The following FAM120B variants were observed in gnomAD, a reference collection of about 807,000 sequenced individuals.
FAM120B encodes family with sequence similarity 120 member B, also known as constitutive coactivator of peroxisome proliferator-activated receptor gamma.
A neutral mutation model predicts 96.3 loss-of-function variants in FAM120B; 83 were observed. The ratio of observed to expected loss-of-function variants is 0.86; its 90% CI spans 0.72 to 1.03. The LOEUF (loss-of-function observed/expected upper bound fraction) is 1.03, where lower values mean the gene tolerates loss of function less well. Among genes scored for constraint, FAM120B ranks in the 50% least tolerant of loss-of-function variants. FAM120B has a pLI of 0.00. For synonymous variants in FAM120B, 407 were observed against 402.7 expected (o/e 1.01, Z -0.13); for missense variants, 1,027 against 1,121.2 (o/e 0.92, Z 1.20).
chr6:170,316,814 C>G (rs1784930314), intron 1 of FAM120B, among the ~76,000 whole-genome samples: 1 of 152,144 alleles, frequency 6.6e-6, no homozygotes, highest in South Asian at 2.1e-4. Flanking sequence ...CTTGGTAATC[C>G]TTCCCGCCAC....
At chr6:170,374,152 CG>C (rs1381280822) in intron 6 of FAM120B, among the ~76,000 whole-genome samples, 3 of 152,204 alleles carry the variant, frequency 2.0e-5, no homozygotes, top group Admixed American at 2.0e-4. Context: ...GACACCACTC[CG>C]CGCAGTAAGT....
intron 7 of FAM120B, 66 bp downstream of exon 7, chr6:170,388,559 T>G: frequency 1.5e-6 from 2 of 1,346,552 alleles, no homozygotes; most frequent in Non-Finnish European, 2.1e-6. Context: ...ACAAAAAACA[T>G]GAAGTCGGCT....
upstream of FAM120B, among the ~76,000 whole-genome samples, chr6:170,292,359 T>C (rs1023213993): frequency 3.9e-5 from 6 of 152,198 alleles, no homozygotes; most frequent in African/African-American, 1.4e-4. This position sits in a 1 kb window ranked among gnomAD's most constrained non-coding sequence, Gnocchi z 6.6. Flanking sequence ...AGACTCCTAC[T>C]CTGGCACCTA....
rs925754526 is a variant in FAM120B at position 170,405,051 on chromosome 6, A to C, written c.*300A>C. 1 of 159,072 alleles carries C rather than the reference A, an allele frequency of 6.3e-6. No homozygotes were observed. The highest frequency in any genetic ancestry group is 6.3e-5 in the Admixed American group (1 of 15,856). 9.9% of individuals were successfully genotyped at this position (159,072 alleles called of 1,614,324 possible). A position where few individuals can be genotyped will look rare whatever the true frequency, so the allele number is the denominator to read the frequency against. On this transcript the variant is annotated 3_prime_UTR_variant, in exon 11 of 11. Transcript: ENST00000476287. ...ATATATATGATGCCTAGCTAATTTC[A>C]TTTTAAAATAAATGGGAATCTGTTG...
chr6:170,400,154 C>G (rs1463526821), intron 9 of FAM120B, among the ~76,000 whole-genome samples: 2 of 150,580 alleles, frequency 1.3e-5, no homozygotes, highest in Non-Finnish European at 3.0e-5. Context: ...GAAGGTAGAA[C>G]TATGTCATAA....
chr6:170,310,771 A>G (rs1784543594), intron 1 of FAM120B, among the ~76,000 whole-genome samples: 1 of 152,192 alleles, frequency 6.6e-6, no homozygotes, highest in African/African-American at 2.4e-5. Context: ...ATTTTGATAT[A>G]TGTGTTACAG....
At chr6:170,362,722 C>T (rs1438679193) in intron 6 of FAM120B, among the ~76,000 whole-genome samples, 2 of 149,912 alleles carry the variant, frequency 1.3e-5, no homozygotes, top group Non-Finnish European at 3.0e-5. Context: ...GGCTCTGTTG[C>T]CCAGACTGGA....
At chr6:170,375,935 G>A (rs1249832029) in intron 6 of FAM120B, among the ~76,000 whole-genome samples, 2 of 152,188 alleles carry the variant, frequency 1.3e-5, no homozygotes, top group African/African-American at 4.8e-5. Context: ...TGAAGAGAGA[G>A]CATAGAAATT....
In FAM120B at chr6:170,358,637, T is replaced by G. The variant is rs189896738; in HGVS notation, c.2283+319T>G. Among the ~76,000 whole-genome samples, 36 of 152,358 alleles carry G rather than the reference T, an allele frequency of 2.4e-4. No individual in the cohort carries two copies. The East Asian group carries it at 6.4e-3, about 27-fold the overall frequency. ...TATTAATTTCTGGTGTTAGCAGTTT[T>G]GGCCCTCCCTTGGCCTGCCTCCCAG... On this transcript the variant is annotated intron_variant, in intron 6 of 10. Transcript: ENST00000476287.
rs71010657 is a variant in FAM120B at position 170,361,198 on chromosome 6, GTATATATATATATATATATATATATA to G, written c.2283+2893_2283+2918del. ...GCCTTAAAACTATATATATATACGT[GTATATATATATATATATATATATATA>G]TATATATATATACACGTATATATAT... On this transcript the variant is annotated intron_variant, in intron 6 of 10. Transcript: ENST00000476287. 2.7e-4 allele frequency among the ~76,000 whole-genome samples: 18 copies of G among 66,026 alleles called. 1 individual carries two copies. In the South Asian group the frequency reaches 5.1e-3, roughly 19 times the overall value. 43.3% of individuals were successfully genotyped at this position (66,026 alleles called of 152,430 possible).
At chr6:170,402,657 C>G (rs1583323409) in intron 9 of FAM120B, among the ~76,000 whole-genome samples, 2 of 152,340 alleles carry the variant, frequency 1.3e-5, no homozygotes, top group Admixed American at 1.3e-4. Flanking sequence ...AAGGAGGAGA[C>G]AGTTGGGCTA....
In FAM120B at chr6:170,317,479, A is replaced by T; in HGVS notation, c.89A>T (p.His30Leu). Residue 30 changes from histidine to leucine, a missense_variant, in exon 2 of 11, where the codon CAC becomes CTC. Physicochemically the swap from His to Leu is moderately conservative, Grantham distance 99 (BLOSUM62 -3). Transcript: ENST00000476287. ...AATTTCAAAGAACTGGCAGAGCACC[A>T]CCGAAGCAAGTATCCTGGATGTACC... ...VVNFKELAEH[H>L]RSKYPGCTPT... is the part of the protein sequence containing the mutation. 1 of 1,614,230 alleles carries T rather than the reference A, an allele frequency of 6.2e-7. No individual in the cohort carries two copies. Among genetic ancestry groups the T allele is most frequent in the Non-Finnish European group, 8.5e-7 (1 of 1,180,044 alleles).
At chr6:170,374,427 C>G (rs1789390281) in intron 6 of FAM120B, among the ~76,000 whole-genome samples, 1 of 152,196 alleles carries the variant, frequency 6.6e-6, no homozygotes, top group Non-Finnish European at 1.5e-5. Flanking sequence ...AGTTCCATTT[C>G]AGCCATTTAC....
At chr6:170,339,043 A>G (rs1786637969) in intron 4 of FAM120B, among the ~76,000 whole-genome samples, 1 of 150,610 alleles carries the variant, frequency 6.6e-6, no homozygotes, top group East Asian at 1.9e-4. Context: ...TAATATTGTT[A>G]TGTGTCATCA....
At chr6:170,390,575 T>A (rs1161273625) in intron 7 of FAM120B, among the ~76,000 whole-genome samples, 1 of 152,190 alleles carries the variant, frequency 6.6e-6, no homozygotes, top group African/African-American at 2.4e-5. Context: ...TCTGCTGATG[T>A]TGTTTTGTTT....
At chr6:170,381,377 A>G (rs1389845189) in intron 6 of FAM120B, among the ~76,000 whole-genome samples, 1 of 152,206 alleles carries the variant, frequency 6.6e-6, no homozygotes, top group Non-Finnish European at 1.5e-5. Flanking sequence ...TGTTAAAGAA[A>G]TTGAATCCGT....
Position 170,317,469 on chromosome 6 carries a change from G to A in FAM120B, c.79G>A (p.Ala27Thr). The change falls in exon 2 of 11, where the codon GCA (alanine) becomes ACA (threonine). Residue 27 changes from alanine (A) to threonine (T), a missense_variant. Around this residue, in one of 3 missense-constraint regions of FAM120B, gnomAD observed 880 missense variants for 980.9 expected, o/e 0.90. Coordinates refer to ENST00000476287, the MANE Select transcript of FAM120B (RefSeq NM_032448.3). ...ICTVVNFKEL[A>T]EHHRSKYPGC... The stretch of plus-strand genomic sequence containing the variant: ...TACAGTAGTAAATTTCAAAGAACTG[G>A]CAGAGCACCACCGAAGCAAGTATCC... The A allele has an allele frequency of 6.2e-7, 1 of 1,614,142 alleles. No homozygotes were observed. Among genetic ancestry groups the A allele is most frequent in the South Asian group, 1.1e-5 (1 of 91,068 alleles).
chr6:170,375,257 A>C (rs1789437253), intron 6 of FAM120B, among the ~76,000 whole-genome samples: 1 of 152,244 alleles, frequency 6.6e-6, no homozygotes, highest in Non-Finnish European at 1.5e-5. Flanking sequence ...AATGTTTGTA[A>C]TCACACAGCA....
At chr6:170,400,961 G>A (rs1219436163) in intron 9 of FAM120B, among the ~76,000 whole-genome samples, 1 of 152,212 alleles carries the variant, frequency 6.6e-6, no homozygotes, top group African/African-American at 2.4e-5. Flanking sequence ...GACTACAGGA[G>A]CATCTTTAAA....
Sources: gnomAD v4.1 joint callset for allele counts (sites outside exome capture counted in the v4.1 genomes callset) on GRCh38, gnomAD v4.1.1 for gene constraint, gnomAD v4.1.1 regional missense constraint, Gnocchi (gnomAD v3.1) non-coding constraint, MANE v1.5 for transcripts, NCBI Gene and HGNC (gene_info 2026-07-23, HGNC 2026-07-21) for gene names.